The following FBLN5 variants were observed in gnomAD, a reference collection of about 807,000 sequenced individuals.
FBLN5 encodes the protein fibulin 5, also known as fibulin-5.
A neutral mutation model predicts 61.6 loss-of-function variants in FBLN5; 24 were observed. The observed-to-expected ratio is 0.39, with a 90% CI of 0.28 to 0.55. FBLN5 has a LOEUF of 0.55. Among genes scored for constraint, FBLN5 ranks in the 20% least tolerant of loss-of-function variants. The probability of loss-of-function intolerance (pLI) is 0.65; values close to 1 mark genes in which losing one functional copy is unlikely to be tolerated. For synonymous variants in FBLN5, 213 were observed against 219.8 expected (o/e 0.97, Z 0.27); for missense variants, 470 against 594.1 (o/e 0.79, Z 2.17).
chr14:91,946,620 G>T, intron 1 of FBLN5: 1 of 990,306 alleles, frequency 1.0e-6, no homozygotes, highest in Non-Finnish European at 1.5e-6. Flanking sequence ...AATAAAGACT[G>T]TGGGTGTCAT....
chr14:91,881,324 G>A lies in FBLN5; in HGVS notation c.957C>T (p.Arg319=), dbSNP rs1340506481. 4 of 1,614,182 alleles carry A rather than the reference G, an allele frequency of 2.5e-6. No homozygotes were observed. Among genetic ancestry groups the A allele is most frequent in the South Asian group, 1.1e-5 (1 of 91,088 alleles). Residue 319 remains arginine, a synonymous_variant, in exon 9 of 11, where the codon CGC becomes CGT. Coordinates refer to ENST00000342058, the MANE Select transcript of FBLN5 (RefSeq NM_006329.4). ...QGGFKCIDPI[R]CEEPYLRISD... Reference sequence around the variant, plus strand: ...TGATCCTCAGATAAGGCTCCTCACAGCGGATGGGGTCAATGCATTTGAAGC... The same window carrying A: ...TGATCCTCAGATAAGGCTCCTCACAACGGATGGGGTCAATGCATTTGAAGC...
chr14:91,890,258 G>C (rs1038136639), intron 6 of FBLN5, among the ~76,000 whole-genome samples: 4 of 152,190 alleles, frequency 2.6e-5, no homozygotes, highest in Non-Finnish European at 5.9e-5. Context: ...CGATGATTTA[G>C]ATACAATTAA....
chr14:91,942,833 G>C (rs561218063), intron 2 of FBLN5, 74 bp downstream of exon 2: 1 of 945,762 alleles, frequency 1.1e-6, no homozygotes, highest in Non-Finnish European at 1.7e-6. Context: ...CTAGGGTTCC[G>C]TAGCGCAAGG....
chr14:91,869,897 T>C lies in FBLN5; in HGVS notation c.*327A>G. ...CTGTTCACAGTCTTTGAACATAGAC[T>C]CAGACCCCCGCAAACCTAATCTATT... is the stretch of plus-strand genomic sequence containing the variant. On this transcript the variant is annotated 3_prime_UTR_variant, in exon 11 of 11. Transcript: ENST00000342058. 1 of 366,492 alleles carries C rather than the reference T, an allele frequency of 2.7e-6. No individual in the cohort carries two copies. Among genetic ancestry groups the C allele is most frequent in the Non-Finnish European group, 5.3e-6 (1 of 188,194 alleles). 22.7% of individuals were successfully genotyped at this position (366,492 alleles called of 1,614,324 possible). A position where few individuals can be genotyped will look rare whatever the true frequency, so the allele number is the denominator to read the frequency against.
At chr14:91,892,479 C>G (rs2139977951) in intron 5 of FBLN5, among the ~76,000 whole-genome samples, 1 of 152,372 alleles carries the variant, frequency 6.6e-6, no homozygotes, top group Non-Finnish European at 1.5e-5. Context: ...CCAGATCCAT[C>G]TTGATCCCTT....
intron 4 of FBLN5, among the ~76,000 whole-genome samples, chr14:91,926,855 C>A (rs375269238): frequency 6.6e-6 from 1 of 152,172 alleles, no homozygotes; most frequent in Admixed American, 6.5e-5. Flanking sequence ...ACCTGACTAT[C>A]CTGCCTTCAC....
chr14:91,910,761 G>A (rs554332571), intron 4 of FBLN5, among the ~76,000 whole-genome samples: 1 of 152,032 alleles, frequency 6.6e-6, no homozygotes, highest in Admixed American at 6.6e-5. Flanking sequence ...CAAGCATCAC[G>A]GAATCAGGGT....
At chr14:91,945,832 T>C (rs2056174919) in intron 1 of FBLN5, among the ~76,000 whole-genome samples, 1 of 152,160 alleles carries the variant, frequency 6.6e-6, no homozygotes, top group African/African-American at 2.4e-5. Flanking sequence ...CCTTATAAAG[T>C]GCAGAGCCAA....
intron 4 of FBLN5, among the ~76,000 whole-genome samples, chr14:91,921,163 C>T (rs1385784889): frequency 2.6e-5 from 4 of 152,116 alleles, no homozygotes; most frequent in Admixed American, 2.0e-4. Flanking sequence ...AATCTTTACC[C>T]AAAATTAATA....
rs1889524665 is a variant in FBLN5, at chr14:91,882,534, A to G, written c.862+420T>C. On this transcript the variant is annotated intron_variant, in intron 8 of 10. Coordinates refer to ENST00000342058, the MANE Select transcript of FBLN5 (RefSeq NM_006329.4). This position sits in a 1 kb window ranked among gnomAD's most constrained non-coding sequence, Gnocchi z 4.9. ...GTCTCCCTGGCAACCATGCTCTAGG[A>G]GATCACTTGGAGAAAGGCTAACCAA... 6.6e-6 allele frequency among the ~76,000 whole-genome samples: 1 copy of G among 152,210 alleles called. No homozygotes were observed. Among genetic ancestry groups the G allele is most frequent in the Admixed American group, 6.5e-5 (1 of 15,288 alleles).
At chr14:91,928,617 C>G (rs1257715136) in intron 4 of FBLN5, among the ~76,000 whole-genome samples, 2 of 151,556 alleles carry the variant, frequency 1.3e-5, no homozygotes, top group Non-Finnish European at 2.9e-5. Context: ...ACAAAAGATA[C>G]AAAAGTTAGC....
intron 4 of FBLN5, among the ~76,000 whole-genome samples, chr14:91,935,756 A>G (rs1555380001): frequency 6.6e-6 from 1 of 152,214 alleles, no homozygotes; most frequent in Non-Finnish European, 1.5e-5. Context: ...TGCTGGTTAT[A>G]AGGAAGCATG....
intron 6 of FBLN5, among the ~76,000 whole-genome samples, chr14:91,890,250 A>C (rs939789204): frequency 2.0e-5 from 3 of 152,184 alleles, no homozygotes; most frequent in African/African-American, 7.2e-5. Flanking sequence ...CTATTTACCG[A>C]TGATTTAGAT....
rs913578623 is a variant in FBLN5 at position 91,914,926 on chromosome 14, G to A, written c.380-19854C>T. Among the ~76,000 whole-genome samples the A allele has an allele frequency of 2.6e-5, 4 of 151,390 alleles. No homozygotes were observed. The South Asian group carries it at 8.4e-4, about 32-fold the overall frequency. On this transcript the variant is annotated intron_variant, in intron 4 of 10. Coordinates refer to ENST00000342058, the MANE Select transcript of FBLN5 (RefSeq NM_006329.4). ...TGTAATCCCAGCACTTTGGGAGGCTGAGGCAGGCAGATCATCTGAGGTCAG... is the reference window on the plus strand; with the variant it reads ...TGTAATCCCAGCACTTTGGGAGGCTAAGGCAGGCAGATCATCTGAGGTCAG...
chr14:91,874,002 G>A (rs766332768), intron 10 of FBLN5: 1 of 152,512 alleles, frequency 6.6e-6, no homozygotes, highest in East Asian at 1.9e-4. Flanking sequence ...CCAATCATCA[G>A]TCCTCTTTCT....
At chr14:91,926,658 T>A (rs2055833800) in intron 4 of FBLN5, among the ~76,000 whole-genome samples, 1 of 152,102 alleles carries the variant, frequency 6.6e-6, no homozygotes, top group Admixed American at 6.5e-5. Flanking sequence ...CCACTTGAGA[T>A]AAGCAGCCAA....
chr14:91,926,868 A>T (rs1595339900), intron 4 of FBLN5, among the ~76,000 whole-genome samples: 2 of 152,264 alleles, frequency 1.3e-5, no homozygotes, highest in South Asian at 2.1e-4. Flanking sequence ...GCCTTCACTA[A>T]GCCTCAAAAC....
intron 4 of FBLN5, among the ~76,000 whole-genome samples, chr14:91,936,299 C>T (rs1311988123): frequency 6.6e-6 from 1 of 152,234 alleles, no homozygotes; most frequent in Non-Finnish European, 1.5e-5. Flanking sequence ...GGCTGGAACG[C>T]AGTGACTATT....
intron 4 of FBLN5, among the ~76,000 whole-genome samples, chr14:91,899,038 G>A (rs190793934): frequency 6.1e-4 from 93 of 151,920 alleles, no homozygotes; most frequent in Non-Finnish European, 1.0e-3. Context: ...TCCTGACCTC[G>A]TGATCTGCCC....
Sources: gnomAD v4.1 joint callset for allele counts (sites outside exome capture counted in the v4.1 genomes callset) on GRCh38, gnomAD v4.1.1 for gene constraint, Gnocchi (gnomAD v3.1) non-coding constraint, MANE v1.5 for transcripts, NCBI Gene and HGNC (gene_info 2026-07-23, HGNC 2026-07-21) for gene names.